Variants in NHSL1 observed in about 807,000 individuals in gnomAD.
NHSL1 encodes the protein NHS-like protein 1.
A neutral mutation model predicts 95.0 loss-of-function variants in NHSL1; 48 were observed. The observed-to-expected ratio is 0.51, with a 90% CI of 0.40 to 0.64. NHSL1 has a LOEUF of 0.64. Ranked by LOEUF, NHSL1 falls within the 30% of genes least tolerant of loss-of-function variation. NHSL1 has a pLI of 0.00. For synonymous variants in NHSL1, 783 were observed against 833.9 expected (o/e 0.94, Z 1.05); for missense variants, 1,971 against 2,077.7 (o/e 0.95, Z 1.00).
At chr6:138,614,873 C>T (rs765242291) in intron 1 of NHSL1, among the ~76,000 whole-genome samples, 4 of 152,148 alleles carry the variant, frequency 2.6e-5, no homozygotes, top group Non-Finnish European at 4.4e-5. Flanking sequence ...GAATCTAATG[C>T]CTGATGATCT....
rs1488954556 is a variant in NHSL1 at position 138,480,615 on chromosome 6, T to A, written c.212-7182A>T. Among the ~76,000 whole-genome samples, 4 of 152,220 alleles carry A rather than the reference T, an allele frequency of 2.6e-5. No homozygotes were observed. In the East Asian group the frequency reaches 7.7e-4, roughly 29 times the overall value. On this transcript the variant is annotated intron_variant, in intron 2 of 7. Coordinates refer to ENST00000343505, the MANE Select transcript of NHSL1 (RefSeq NM_001144060.2). The stretch of plus-strand genomic sequence containing the variant: ...GTTATTTCTAGCATGGTATTCTACA[T>A]ATATCATATTTTAAAAACTGAATGT...
chr6:138,622,629 T>C (rs1488379721), intron 1 of NHSL1, among the ~76,000 whole-genome samples: 1 of 152,116 alleles, frequency 6.6e-6, no homozygotes, highest in Non-Finnish European at 1.5e-5. Context: ...AGGACTACAA[T>C]TAATCTAATT....
intron 2 of NHSL1, among the ~76,000 whole-genome samples, chr6:138,478,851 G>C (rs558651804): frequency 6.6e-6 from 1 of 152,080 alleles, no homozygotes; most frequent in East Asian, 1.9e-4. Flanking sequence ...CCTTCCTTTC[G>C]TGTCAATCCA....
chr6:138,631,937 C>G (rs866267497), intron 1 of NHSL1, among the ~76,000 whole-genome samples: 1 of 152,160 alleles, frequency 6.6e-6, no homozygotes, highest in Non-Finnish European at 1.5e-5. Context: ...GATTCTAGAA[C>G]TTGGCTCTTG....
Position 138,474,087 on chromosome 6 carries a change from GGCCACTGGC to G in NHSL1, c.212-663_212-655del, listed in dbSNP as rs139087654. Among the ~76,000 whole-genome samples the G allele has an allele frequency of 3.5e-3, 536 of 152,244 alleles. 6 individuals are homozygous for G. The highest frequency in any genetic ancestry group is 0.012 in the African/African-American group (518 of 41,542). ...GGTGCCATGGATCTCGGGGTACTGGGGCCACTGGCTGTGTGGAAAGGAGGATCCCCTTCT... is the reference window on the plus strand; with the variant it reads ...GGTGCCATGGATCTCGGGGTACTGGGTGTGTGGAAAGGAGGATCCCCTTCT... On this transcript the variant is annotated intron_variant, in intron 2 of 7. Coordinates refer to ENST00000343505, the MANE Select transcript of NHSL1 (RefSeq NM_001144060.2).
chr6:138,648,717 C>G (rs143216493), intron 1 of NHSL1, among the ~76,000 whole-genome samples: 209 of 152,300 alleles, frequency 1.4e-3, no homozygotes, highest in African/African-American at 4.9e-3. Context: ...ATACTGAAAG[C>G]AGTCGTTTTC....
chr6:138,556,673 GA>G (rs567282697), intron 1 of NHSL1, among the ~76,000 whole-genome samples: 76 of 151,592 alleles, frequency 5.0e-4, no homozygotes, highest in African/African-American at 1.7e-3. Context: ...CAAATTCATG[GA>G]AAACCAGAGG....
chr6:138,424,100 G>A lies in NHSL1; in HGVS notation c.4802C>T (p.Ser1601Phe). ...GREPSPQCGG[S>F]LSEES is the part of the protein sequence containing the mutation. ...TTGGCCCTAACTCTCCTCGCTCAGA[G>A]AACCGCCACACTGTGGGGAGGGCTC... Residue 1601 changes from serine to phenylalanine, a missense_variant, in exon 8 of 8, where the codon TCT becomes TTT. Physicochemically the swap from Ser to Phe is radical, Grantham distance 155 (BLOSUM62 -2). This residue lies in a region of NHSL1 where 223 missense variants were observed against 217.0 expected (regional missense o/e 1.03). Coordinates refer to ENST00000343505, the MANE Select transcript of NHSL1 (RefSeq NM_001144060.2). This position sits in a 1 kb window ranked among gnomAD's most constrained non-coding sequence, Gnocchi z 5.9. 2.9e-6 allele frequency: 4 copies of A among 1,392,566 alleles called. No individual in the cohort carries two copies. Among genetic ancestry groups the A allele is most frequent in the Admixed American group, 3.1e-5 (1 of 32,576 alleles). 86.3% of individuals were successfully genotyped at this position (1,392,566 alleles called of 1,614,324 possible).
At chr6:138,632,249 C>G (rs1583458638) in intron 1 of NHSL1, among the ~76,000 whole-genome samples, 1 of 152,302 alleles carries the variant, frequency 6.6e-6, no homozygotes, top group East Asian at 1.9e-4. Context: ...ACTCCAGTCC[C>G]TGACTCCCAG....
intron 1 of NHSL1, among the ~76,000 whole-genome samples, chr6:138,505,430 C>T (rs185402722): frequency 1.1e-4 from 16 of 152,096 alleles, no homozygotes; most frequent in Admixed American, 2.0e-4. Flanking sequence ...CCAAGATAGG[C>T]GGATCACGAG....
chr6:138,447,869 AAAT>A (rs1350280461), intron 3 of NHSL1, among the ~76,000 whole-genome samples: 1 of 152,216 alleles, frequency 6.6e-6, no homozygotes, highest in Non-Finnish European at 1.5e-5. Context: ...ATTTTTATTA[AAAT>A]TTAGTTTTGC....
At chr6:138,573,121 G>A (rs548531024), upstream of NHSL1, among the ~76,000 whole-genome samples, 4 of 152,262 alleles carry the variant, frequency 2.6e-5, no homozygotes, top group South Asian at 8.3e-4. Context: ...CTCCAACCTT[G>A]AATGATCATC....
rs1199280487 is a variant in NHSL1 at position 138,432,553 on chromosome 6, A to G, written c.1792T>C (p.Ser598Pro). 4.5e-6 allele frequency: 7 copies of G among 1,551,858 alleles called. No individual in the cohort carries two copies. Among genetic ancestry groups the G allele is most frequent in the African/African-American group, 1.4e-5 (1 of 72,988 alleles). ...DQTSNKEDAG[S>P]LYSEDHDGYC... ...CCATCGTGGTCCTCAGAATACAGCG[A>G]CCCAGCATCCTCTTTGTTGGACGTT... The change falls in exon 6 of 8, where the codon TCG becomes CCG. Residue 598 changes from serine to proline, a missense_variant. Ser to Pro is a moderately conservative substitution (Grantham distance 74). Around this residue, in one of 3 missense-constraint regions of NHSL1, gnomAD observed 1,602 missense variants for 1,654.5 expected, o/e 0.97. Coordinates refer to ENST00000343505, the MANE Select transcript of NHSL1 (RefSeq NM_001144060.2). This position sits in a 1 kb window ranked among gnomAD's most constrained non-coding sequence, Gnocchi z 4.4.
In NHSL1 at chr6:138,431,867, T is replaced by C. The variant is rs112509458; in HGVS notation, c.2478A>G (p.Gln826=). The change falls in exon 6 of 8, where the codon CAA becomes CAG. Residue 826 remains glutamine, a synonymous_variant. Coordinates refer to ENST00000343505, the MANE Select transcript of NHSL1 (RefSeq NM_001144060.2). This position sits in a 1 kb window ranked among gnomAD's most constrained non-coding sequence, Gnocchi z 4.0. ...TTGGTTTGACTGAACCACCGGGCAC[T>C]TGGGGCATTGTGGCTCTGGACCCTT... is the stretch of plus-strand genomic sequence containing the variant. ...VQEGSRATMP[Q]VPGGSVKPKI... The C allele has an allele frequency of 1.3e-6, 2 of 1,551,744 alleles. No individual in the cohort carries two copies. Among genetic ancestry groups the C allele is most frequent in the Middle Eastern group, 1.7e-4 (1 of 5,992 alleles).
chr6:138,516,286 G>C (rs557172685), intron 1 of NHSL1, among the ~76,000 whole-genome samples: 1 of 152,290 alleles, frequency 6.6e-6, no homozygotes, highest in African/African-American at 2.4e-5. Flanking sequence ...TTTGACTGCG[G>C]CAGAGATAAC....
At chr6:138,513,042 G>C (rs187146481) in intron 1 of NHSL1, among the ~76,000 whole-genome samples, 2 of 152,324 alleles carry the variant, frequency 1.3e-5, no homozygotes, top group Admixed American at 1.3e-4. Context: ...GATGTGCTAT[G>C]TGTTCTACAC....
At chr6:138,539,399 G>A (rs1047400276) in intron 1 of NHSL1, among the ~76,000 whole-genome samples, 3 of 152,126 alleles carry the variant, frequency 2.0e-5, no homozygotes, top group East Asian at 1.9e-4. Flanking sequence ...GTTAATGGTG[G>A]TGACATGATG....
At chr6:138,437,714 GAGA>G (rs1776278837) in intron 5 of NHSL1, among the ~76,000 whole-genome samples, 1 of 152,140 alleles carries the variant, frequency 6.6e-6, no homozygotes, top group Non-Finnish European at 1.5e-5. Flanking sequence ...TAATTCATGG[GAGA>G]AGGTCAAAAT....
intron 3 of NHSL1, among the ~76,000 whole-genome samples, chr6:138,454,704 TAAAG>T (rs1777469887): frequency 6.6e-6 from 1 of 152,254 alleles, no homozygotes; most frequent in Non-Finnish European, 1.5e-5. Flanking sequence ...GGCGTTTTAA[TAAAG>T]AAAGATCTTG....
Sources: allele counts gnomAD v4.1 joint callset (sites outside exome capture counted in the v4.1 genomes callset), GRCh38; gene constraint gnomAD v4.1.1; regional missense constraint gnomAD v4.1.1; non-coding constraint Gnocchi (gnomAD v3.1); transcripts MANE v1.5; gene names NCBI Gene and HGNC (gene_info 2026-07-23, HGNC 2026-07-21).